TIAM1: variants seen among roughly 807,000 people sequenced by gnomAD.
TIAM1 encodes the protein TIAM Rac1 associated GEF 1.
A neutral mutation model predicts 163.5 loss-of-function variants in TIAM1; 65 were observed. The observed-to-expected ratio is 0.40, with a 90% CI of 0.33 to 0.49. The LOEUF (loss-of-function observed/expected upper bound fraction) is 0.49, where lower values mean the gene tolerates loss of function less well. Ranked by LOEUF, TIAM1 falls within the 20% of genes least tolerant of loss-of-function variation. TIAM1 has a pLI of 0.77. For missense variants in TIAM1, 1,789 were observed against 2,044.7 expected (o/e 0.87, Z 2.41); for synonymous variants, 833 against 810.1 (o/e 1.03, Z -0.48).
intron 6 of TIAM1, among the ~76,000 whole-genome samples, chr21:31,229,122 T>C (rs750590556): frequency 2.6e-5 from 4 of 152,076 alleles, no homozygotes; most frequent in Non-Finnish European, 5.9e-5. Flanking sequence ...GATAAACTAA[T>C]ATACAGTATT....
At chr21:31,274,771 G>T (rs891736922) in intron 3 of TIAM1, among the ~76,000 whole-genome samples, 1 of 152,146 alleles carries the variant, frequency 6.6e-6, no homozygotes, top group Non-Finnish European at 1.5e-5. Flanking sequence ...TGAGATGCAC[G>T]TTCAACATAC....
intron 14 of TIAM1, among the ~76,000 whole-genome samples, chr21:31,185,244 C>T (rs886374307): frequency 2.0e-5 from 3 of 151,554 alleles, no homozygotes; most frequent in African/African-American, 7.3e-5. Context: ...TTATTTACAG[C>T]GAGTATAGTG....
At chr21:31,336,730 G>A (rs1056227598) in intron 2 of TIAM1, among the ~76,000 whole-genome samples, 18 of 152,222 alleles carry the variant, frequency 1.2e-4, no homozygotes, top group Non-Finnish European at 2.4e-4. Flanking sequence ...CACTGGTTCC[G>A]AGGGGCAAAA....
intron 1 of TIAM1, among the ~76,000 whole-genome samples, chr21:31,534,558 C>T (rs1257078119): frequency 6.6e-6 from 1 of 151,976 alleles, no homozygotes; most frequent in Non-Finnish European, 1.5e-5. Context: ...ATCTGTAATC[C>T]CAGCTACTCG....
chr21:31,174,453 C>T (rs916077146), intron 15 of TIAM1, among the ~76,000 whole-genome samples: 2 of 152,174 alleles, frequency 1.3e-5, no homozygotes, highest in Non-Finnish European at 2.9e-5. Flanking sequence ...CAGACAGACA[C>T]GCCTGAGGTT....
chr21:31,552,571 C>T (rs576636124), intron 1 of TIAM1, among the ~76,000 whole-genome samples: 27 of 152,112 alleles, frequency 1.8e-4, no homozygotes, highest in South Asian at 8.3e-4. Context: ...GTCAGGAGTT[C>T]GAGACCAGCC....
chr21:31,485,353 C>G (rs575804210), intron 1 of TIAM1, among the ~76,000 whole-genome samples: 5 of 152,300 alleles, frequency 3.3e-5, no homozygotes, highest in African/African-American at 1.2e-4. Flanking sequence ...TAAAATAACT[C>G]TGACCCCAAG....
In TIAM1 at chr21:31,523,917, CA is replaced by C. The variant is rs376067896; in HGVS notation, c.-422+35009del. ...TGGGTGACAGAGCCAGATTCCATCT[CA>C]AAAAAAAAAAAAAAAATAGTATGTA... On this transcript the variant is annotated intron_variant, in intron 1 of 28. Transcript: ENST00000286827. Among the ~76,000 whole-genome samples, 895 of 92,162 alleles carry C rather than the reference CA, an allele frequency of 9.7e-3. 13 individuals carry two copies. Among genetic ancestry groups the C allele is most frequent in the African/African-American group, 0.028 (661 of 23,908 alleles). 60.5% of individuals were successfully genotyped at this position (92,162 alleles called of 152,430 possible).
chr21:31,386,127 G>A (rs1468110054), intron 2 of TIAM1, among the ~76,000 whole-genome samples: 1 of 152,142 alleles, frequency 6.6e-6, no homozygotes, highest in Non-Finnish European at 1.5e-5. Flanking sequence ...CAGGGACAGG[G>A]CATCCCTCTC....
At chr21:31,163,824 T>C (rs1447187896) in intron 16 of TIAM1, among the ~76,000 whole-genome samples, 1 of 152,160 alleles carries the variant, frequency 6.6e-6, no homozygotes, top group Non-Finnish European at 1.5e-5. Flanking sequence ...AACAAAAGTA[T>C]ACAGTTATGT....
intron 6 of TIAM1, among the ~76,000 whole-genome samples, chr21:31,231,791 G>A (rs1002642895): frequency 1.1e-4 from 16 of 152,152 alleles, no homozygotes; most frequent in Non-Finnish European, 1.5e-4. Flanking sequence ...CAAGGTGGGC[G>A]AATCACTTCA....
chr21:31,244,958 A>AT (rs936721771), intron 6 of TIAM1, among the ~76,000 whole-genome samples: 16 of 152,092 alleles, frequency 1.1e-4, no homozygotes, highest in Non-Finnish European at 1.9e-4. Flanking sequence ...GCAGAGAAGT[A>AT]TTTTTTTTAA....
At chr21:31,150,076 T>C (rs1261169970) in intron 19 of TIAM1, among the ~76,000 whole-genome samples, 25 of 152,132 alleles carry the variant, frequency 1.6e-4, no homozygotes, top group Non-Finnish European at 5.9e-5. Context: ...ATAAAGCAAA[T>C]GTAGCCCAAT....
intron 2 of TIAM1, among the ~76,000 whole-genome samples, chr21:31,438,955 C>T (rs1454128442): frequency 1.3e-5 from 2 of 152,220 alleles, no homozygotes; most frequent in Admixed American, 6.5e-5. Context: ...CTAAATTGAT[C>T]ATTTACTTAT....
chr21:31,343,021 C>T (rs1365597756), intron 1 of TIAM1, among the ~76,000 whole-genome samples: 1 of 152,188 alleles, frequency 6.6e-6, no homozygotes, highest in Non-Finnish European at 1.5e-5. Flanking sequence ...CACCCCAGAC[C>T]TGGGAAAGAA....
chr21:31,489,391 A>T (rs1331191824), intron 1 of TIAM1, among the ~76,000 whole-genome samples: 1 of 37,510 alleles, frequency 2.7e-5, no homozygotes, highest in African/African-American at 1.2e-4. Context: ...GGAGGAGGAG[A>T]GGGAGGGGAG....
intron 2 of TIAM1, among the ~76,000 whole-genome samples, chr21:31,450,762 G>A (rs2044803583): frequency 6.6e-6 from 1 of 152,174 alleles, no homozygotes; most frequent in Non-Finnish European, 1.5e-5. Flanking sequence ...GCAAGAGAGA[G>A]AATGAGAGCC....
At chr21:31,270,911 C>T (rs998193528) in intron 3 of TIAM1, among the ~76,000 whole-genome samples, 3 of 152,142 alleles carry the variant, frequency 2.0e-5, no homozygotes, top group Non-Finnish European at 2.9e-5. Context: ...TCTGCCTTTC[C>T]GCCTACTCCA....
chr21:31,130,945 A>T lies in TIAM1; in HGVS notation c.3887T>A (p.Phe1296Tyr), dbSNP rs775263703. Residue 1296 changes from phenylalanine (F) to tyrosine (Y), a missense_variant, in exon 24 of 28, where the codon TTC (phenylalanine) becomes TAC (tyrosine). By Grantham distance (22) the Phe-to-Tyr change is conservative (BLOSUM62 3). Transcript: ENST00000541036. The stretch of plus-strand genomic sequence containing the variant: ...ATACACAAGGACCACAGCAGTTTTG[A>T]AGACTGGAAAAAATAAAATAAAGAC... Reference protein sequence around the residue: ...KKEPELAAFVFKTAVVLVYKD... With the variant: ...KKEPELAAFVYKTAVVLVYKD... 1 of 1,613,696 alleles carries T rather than the reference A, an allele frequency of 6.2e-7. No individual in the cohort carries two copies. Among genetic ancestry groups the T allele is most frequent in the Non-Finnish European group, 8.5e-7 (1 of 1,179,872 alleles).
Sources: gnomAD v4.1 joint callset for allele counts (sites outside exome capture counted in the v4.1 genomes callset) on GRCh38, gnomAD v4.1.1 for gene constraint, MANE v1.5 for transcripts, NCBI Gene and HGNC (gene_info 2026-07-23, HGNC 2026-07-21) for gene names.